Variants in FAT3 observed in about 807,000 individuals in gnomAD.
FAT3 encodes the protein protocadherin Fat 3.
In FAT3, 95 loss-of-function variants were observed where a neutral mutation model predicts 310.2. That is an observed-to-expected ratio of 0.31 (90% confidence interval 0.26 to 0.36). FAT3 has a LOEUF of 0.36. Ranked by LOEUF, FAT3 falls within the 10% of genes least tolerant of loss-of-function variation. The probability of loss-of-function intolerance (pLI) is 1.00; values close to 1 mark genes in which losing one functional copy is unlikely to be tolerated. For synonymous variants in FAT3, 2,314 were observed against 2,192.9 expected (o/e 1.06, Z -1.54); for missense variants, 5,408 against 5,715.6 (o/e 0.95, Z 1.74).
Position 92,844,179 on chromosome 11 carries a change from A to T in FAT3, c.10812A>T (p.Lys3604Asn). 6.2e-7 allele frequency: 1 copy of T among 1,614,022 alleles called. No individual in the cohort carries two copies. The highest frequency in any genetic ancestry group is 8.5e-7 in the Non-Finnish European group (1 of 1,179,886). The part of the protein sequence containing the change: ...SLFKVNSHDG[K>N]IIALGGLDSG... ...TTAAAGTGAACAGTCACGATGGGAA[A>T]ATCATCGCCCTGGGAGGCCTGGACA... The change falls in exon 19 of 28, where the codon AAA becomes AAT. Residue 3604 changes from lysine (K) to asparagine (N), a missense_variant. Lys to Asn is a moderately conservative substitution (Grantham distance 94). Around this residue, in one of 5 missense-constraint regions of FAT3, gnomAD observed 4,588 missense variants for 4,809.8 expected, o/e 0.95. Transcript: ENST00000525166.
rs546941477 is a variant in FAT3, at chr11:92,478,230, C to A, written c.3293-46404C>A. Among the ~76,000 whole-genome samples, 19 of 152,314 alleles carry A rather than the reference C, an allele frequency of 1.2e-4. No homozygotes were observed. In the South Asian group the frequency reaches 3.7e-3, roughly 30 times the overall value. On this transcript the variant is annotated intron_variant, in intron 2 of 27. Coordinates refer to ENST00000525166, the MANE Select transcript of FAT3 (RefSeq NM_001367949.2). ...GGTAACCGAATTCATCACCTTGCCC[C>A]TCTTGTAAGCCAGTTTTGCTCTTGA...
intron 1 of FAT3, among the ~76,000 whole-genome samples, chr11:92,337,285 G>C (rs1245203205): frequency 1.3e-5 from 2 of 152,148 alleles, no homozygotes; most frequent in African/African-American, 2.4e-5. Context: ...TCTGGTTCAG[G>C]ACATTTAGTC....
intron 21 of FAT3, among the ~76,000 whole-genome samples, chr11:92,861,999 T>A (rs1441021335): frequency 6.6e-6 from 1 of 152,190 alleles, no homozygotes; most frequent in Non-Finnish European, 1.5e-5. Context: ...TATCACTGTC[T>A]CTCAGCAATA....
chr11:92,731,234 A>T (rs947667999), intron 4 of FAT3, among the ~76,000 whole-genome samples: 4 of 152,156 alleles, frequency 2.6e-5, no homozygotes, highest in Non-Finnish European at 5.9e-5. Context: ...CCTTGAATAG[A>T]TCATTTGTTC....
intron 4 of FAT3, among the ~76,000 whole-genome samples, chr11:92,723,146 T>G (rs1944910910): frequency 6.6e-6 from 1 of 152,172 alleles, no homozygotes; most frequent in African/African-American, 2.4e-5. Context: ...TTATGCTGTT[T>G]CCCTTATAAA....
intron 2 of FAT3, among the ~76,000 whole-genome samples, chr11:92,501,967 A>ACG (rs937720071): frequency 5.9e-5 from 9 of 151,620 alleles, no homozygotes; most frequent in Non-Finnish European, 1.2e-4. Flanking sequence ...GCAAAAATGC[A>ACG]CGCGCGCGTG....
chr11:92,746,495 G>A (rs1017535806), intron 4 of FAT3, among the ~76,000 whole-genome samples: 1 of 152,086 alleles, frequency 6.6e-6, no homozygotes, highest in African/African-American at 2.4e-5. Flanking sequence ...GATTTGGGTG[G>A]GGATATGGCC....
At chr11:92,755,306 A>G (rs948577664) in intron 4 of FAT3, among the ~76,000 whole-genome samples, 12 of 152,016 alleles carry the variant, frequency 7.9e-5, no homozygotes, top group Admixed American at 2.6e-4. Flanking sequence ...CACTGCAACC[A>G]CTGCCTCCTG....
chr11:92,318,698 T>C (rs1429884221), intron 1 of FAT3, among the ~76,000 whole-genome samples: 1 of 152,192 alleles, frequency 6.6e-6, no homozygotes, highest in Non-Finnish European at 1.5e-5. Context: ...TTCTTAAATA[T>C]ATTCAATACT....
At chr11:92,395,414 A>C (rs189982322) in intron 2 of FAT3, among the ~76,000 whole-genome samples, 1 of 152,252 alleles carries the variant, frequency 6.6e-6, no homozygotes, top group East Asian at 1.9e-4. Context: ...CCAAGGCTGT[A>C]TGCAATTATG....
chr11:92,530,528 A>G (rs1383371500), intron 3 of FAT3, among the ~76,000 whole-genome samples: 2 of 152,104 alleles, frequency 1.3e-5, no homozygotes, highest in East Asian at 3.9e-4. Context: ...AGAAAAATGA[A>G]AATCCTGTCT....
intron 9 of FAT3, among the ~76,000 whole-genome samples, chr11:92,797,205 G>A (rs1947199977): frequency 6.6e-6 from 1 of 152,122 alleles, no homozygotes; most frequent in Admixed American, 6.5e-5. Flanking sequence ...ACACTTACAA[G>A]GCAAATAATG....
At chr11:92,270,263 T>C (rs1419595621) in intron 1 of FAT3, among the ~76,000 whole-genome samples, 9 of 152,142 alleles carry the variant, frequency 5.9e-5, no homozygotes. Flanking sequence ...GTCTCCTTTA[T>C]TGATCCTCCT....
intron 1 of FAT3, among the ~76,000 whole-genome samples, chr11:92,257,340 G>C (rs1000398442): frequency 2.0e-5 from 3 of 152,018 alleles, no homozygotes; most frequent in Admixed American, 6.6e-5. Context: ...GCTTTGCAGT[G>C]GTACCAGGTT....
Position 92,698,100 on chromosome 11 carries a change from C to T in FAT3, c.3669+655C>T, listed in dbSNP as rs183099765. On this transcript the variant is annotated intron_variant, in intron 4 of 27. Coordinates refer to ENST00000525166, the MANE Select transcript of FAT3 (RefSeq NM_001367949.2). ...GAAGCCTGGGTAGTTTGTATGACACCGTGATTTAATTGTGACTGTGTGATA... is the reference window on the plus strand; with the variant it reads ...GAAGCCTGGGTAGTTTGTATGACACTGTGATTTAATTGTGACTGTGTGATA... Among the ~76,000 whole-genome samples the T allele has an allele frequency of 9.2e-4, 140 of 152,190 alleles. 1 individual carries two copies. Among genetic ancestry groups the T allele is most frequent in the African/African-American group, 2.9e-3 (120 of 41,514 alleles).
chr11:92,680,185 A>G (rs560913951), intron 3 of FAT3, among the ~76,000 whole-genome samples: 3 of 151,910 alleles, frequency 2.0e-5, no homozygotes, highest in Admixed American at 1.3e-4. Context: ...CTTTGCCTCA[A>G]CCAATACCCA....
chr11:92,479,125 T>G (rs1033743764), intron 2 of FAT3, among the ~76,000 whole-genome samples: 13 of 151,124 alleles, frequency 8.6e-5, no homozygotes, highest in African/African-American at 2.7e-4. Context: ...TCTCAGCCTC[T>G]CTAGTAGCTG....
chr11:92,800,261 A>G lies in FAT3; in HGVS notation c.7248A>G (p.Val2416=). ...LAPRGHFVTC[V]QASDADSSDF... ...CCCGGGGCCATTTTGTAACCTGTGT[A>G]CAAGCCTCTGATGCAGACAGCTCTG... The change falls in exon 10 of 28, where the codon GTA becomes GTG. Residue 2416 remains valine, a synonymous_variant. Coordinates refer to ENST00000525166, the MANE Select transcript of FAT3 (RefSeq NM_001367949.2). The G allele has an allele frequency of 6.2e-7, 1 of 1,613,966 alleles. No homozygotes were observed. Among genetic ancestry groups the G allele is most frequent in the Non-Finnish European group, 8.5e-7 (1 of 1,179,856 alleles).
intron 3 of FAT3, among the ~76,000 whole-genome samples, chr11:92,687,787 C>T (rs1338895079): frequency 4.0e-5 from 6 of 151,852 alleles, no homozygotes; most frequent in South Asian, 2.1e-4. Context: ...ACGCTATAGG[C>T]GGTAAAAGAA....
Sources: gnomAD v4.1 joint callset for allele counts (sites outside exome capture counted in the v4.1 genomes callset) on GRCh38, gnomAD v4.1.1 for gene constraint, gnomAD v4.1.1 regional missense constraint, MANE v1.5 for transcripts, NCBI Gene and HGNC (gene_info 2026-07-23, HGNC 2026-07-21) for gene names.